Variants in TRAPPC9 observed in about 807,000 individuals in gnomAD.
The protein encoded by TRAPPC9 is IKK2 binding protein.
Under a neutral mutation model 124.0 loss-of-function variants are expected in TRAPPC9, and 83 were observed. The observed-to-expected ratio is 0.67, with a 90% CI of 0.56 to 0.80. TRAPPC9 has a LOEUF of 0.80. Among genes scored for constraint, TRAPPC9 ranks in the 30% least tolerant of loss-of-function variants. The pLI is 0.00. For synonymous variants in TRAPPC9, 638 were observed against 617.5 expected (o/e 1.03, Z -0.49); for missense variants, 1,302 against 1,508.3 (o/e 0.86, Z 2.27).
chr8:140,320,835 C>A (rs983993038), intron 9 of TRAPPC9, among the ~76,000 whole-genome samples: 4 of 152,214 alleles, frequency 2.6e-5, no homozygotes, highest in Non-Finnish European at 5.9e-5. Flanking sequence ...AGGCCCTCTA[C>A]AAACCCTACA....
intron 7 of TRAPPC9, among the ~76,000 whole-genome samples, chr8:140,392,675 G>A (rs866617427): frequency 6.6e-5 from 10 of 152,312 alleles, no homozygotes; most frequent in Admixed American, 2.0e-4. Flanking sequence ...GAACCAGCAC[G>A]CCTCCCAGAG....
chr8:140,155,470 G>A (rs992667759), intron 17 of TRAPPC9, among the ~76,000 whole-genome samples: 9 of 152,190 alleles, frequency 5.9e-5, no homozygotes, highest in Non-Finnish European at 1.5e-5. Flanking sequence ...AGTGTTCGTT[G>A]AACACCTGTT....
intron 17 of TRAPPC9, among the ~76,000 whole-genome samples, chr8:140,139,909 T>C (rs533269205): frequency 6.6e-6 from 1 of 152,320 alleles, no homozygotes; most frequent in Non-Finnish European, 1.5e-5. Flanking sequence ...TGTCACCTTA[T>C]GATGTGTGCA....
chr8:140,407,470 T>C (rs1159810062), intron 5 of TRAPPC9, among the ~76,000 whole-genome samples: 1 of 151,922 alleles, frequency 6.6e-6, no homozygotes, highest in East Asian at 1.9e-4. Context: ...CTTCACATGG[T>C]ATCTCATCTC....
rs78344067 is a variant in TRAPPC9 at position 139,884,315 on chromosome 8, T to C, written c.3055+1564A>G. ...CAGGGCTCTGCTCCTGGGTGCCCCG[T>C]TGGTCACCTACCCAAACAAAGGCCC... On this transcript the variant is annotated intron_variant, in intron 21 of 22. Coordinates refer to ENST00000438773, the MANE Select transcript of TRAPPC9 (RefSeq NM_001160372.4). Among the ~76,000 whole-genome samples, 1,025 of 152,142 alleles carry C rather than the reference T, an allele frequency of 6.7e-3. 3 individuals carry two copies. The highest frequency in any genetic ancestry group is 0.014 in the Middle Eastern group (4 of 294).
intron 9 of TRAPPC9, among the ~76,000 whole-genome samples, chr8:140,312,811 G>A (rs2066336145): frequency 6.7e-6 from 1 of 148,266 alleles, no homozygotes; most frequent in Non-Finnish European, 1.5e-5. Context: ...CCAGGCTGGA[G>A]TGCAGAGGTA....
At chr8:140,002,496 T>C (rs961044562) in intron 18 of TRAPPC9, among the ~76,000 whole-genome samples, 1 of 151,796 alleles carries the variant, frequency 6.6e-6, no homozygotes, top group African/African-American at 2.4e-5. Flanking sequence ...AAAGAAACAA[T>C]AGACAGAACA....
chr8:140,407,535 G>T (rs1401330552), intron 5 of TRAPPC9, among the ~76,000 whole-genome samples: 1 of 151,996 alleles, frequency 6.6e-6, no homozygotes, highest in African/African-American at 2.4e-5. Flanking sequence ...CGACGGAGAA[G>T]GAACAAGTGC....
At chr8:139,816,640 G>A (rs1167865384) in intron 21 of TRAPPC9, among the ~76,000 whole-genome samples, 1 of 151,796 alleles carries the variant, frequency 6.6e-6, no homozygotes, top group Non-Finnish European at 1.5e-5. Context: ...GCAGGTCTGG[G>A]ACTTGCTACA....
At chr8:139,760,297 G>C (rs1820132157) in intron 21 of TRAPPC9, among the ~76,000 whole-genome samples, 1 of 152,076 alleles carries the variant, frequency 6.6e-6, no homozygotes, top group African/African-American at 2.4e-5. Flanking sequence ...TCCCCCCATT[G>C]CTGAAGGAAA....
chr8:140,129,107 A>G (rs1364176024), intron 17 of TRAPPC9, among the ~76,000 whole-genome samples: 1 of 151,846 alleles, frequency 6.6e-6, no homozygotes, highest in Non-Finnish European at 1.5e-5. Flanking sequence ...CCTTCTTTCT[A>G]AGCGTCCAGT....
intron 15 of TRAPPC9, among the ~76,000 whole-genome samples, chr8:140,270,317 A>G (rs1384569768): frequency 1.3e-5 from 2 of 152,138 alleles, no homozygotes; most frequent in African/African-American, 4.8e-5. Flanking sequence ...TCAAAATCGC[A>G]CAGTGGTTCC....
chr8:139,896,016 C>G (rs896688188), intron 20 of TRAPPC9, among the ~76,000 whole-genome samples: 1 of 152,228 alleles, frequency 6.6e-6, no homozygotes, highest in African/African-American at 2.4e-5. Flanking sequence ...GGTGCTGGAG[C>G]TTTGGAAGCC....
At chr8:140,058,971 C>T (rs565948875) in intron 17 of TRAPPC9, among the ~76,000 whole-genome samples, 1 of 152,274 alleles carries the variant, frequency 6.6e-6, no homozygotes, top group South Asian at 2.1e-4. Flanking sequence ...GTTTTTAAAT[C>T]CATCGTAATG....
chr8:140,182,007 C>T lies in TRAPPC9; in HGVS notation c.2556+39452G>A, dbSNP rs150268932. Among the ~76,000 whole-genome samples the T allele has an allele frequency of 6.6e-6, 1 of 152,244 alleles. No homozygotes were observed. Among genetic ancestry groups the T allele is most frequent in the Non-Finnish European group, 1.5e-5 (1 of 68,022 alleles). On this transcript the variant is annotated intron_variant, in intron 17 of 22. Coordinates refer to ENST00000438773, the MANE Select transcript of TRAPPC9 (RefSeq NM_001160372.4). The surrounding 1 kb of genome is among the most constrained non-coding windows in gnomAD (Gnocchi z 4.0). ...CTCCCCAGTCTGGGGACCAGACTTT[C>T]CTGGTCCAATCTGAGGGAAGCCCTT...
intron 15 of TRAPPC9, among the ~76,000 whole-genome samples, chr8:140,256,173 C>T (rs1283834717): frequency 1.3e-5 from 2 of 152,194 alleles, no homozygotes; most frequent in East Asian, 3.9e-4. Context: ...TGTCTGGAAA[C>T]CCGCTTCAAC....
intron 17 of TRAPPC9, among the ~76,000 whole-genome samples, chr8:140,100,906 T>A (rs1338224284): frequency 6.6e-6 from 1 of 152,208 alleles, no homozygotes; most frequent in Non-Finnish European, 1.5e-5. Flanking sequence ...ATAGGCTAAG[T>A]TACAGGGCCT....
intron 19 of TRAPPC9, among the ~76,000 whole-genome samples, chr8:139,939,019 T>C (rs1833724764): frequency 6.6e-6 from 1 of 152,170 alleles, no homozygotes; most frequent in South Asian, 2.1e-4. Context: ...ATTCAGCTCC[T>C]CCATTCCTCC....
At chr8:139,738,149 G>A (rs533103342) in intron 21 of TRAPPC9, among the ~76,000 whole-genome samples, 86 of 152,282 alleles carry the variant, frequency 5.6e-4, no homozygotes, top group Non-Finnish European at 3.5e-4. Flanking sequence ...CCTGGACCTC[G>A]AATGCCCTAT....
Sources: allele counts gnomAD v4.1 joint callset (sites outside exome capture counted in the v4.1 genomes callset), GRCh38; gene constraint gnomAD v4.1.1; non-coding constraint Gnocchi (gnomAD v3.1); transcripts MANE v1.5; gene names NCBI Gene and HGNC (gene_info 2026-07-23, HGNC 2026-07-21).